CEP85L: variants seen among roughly 807,000 people sequenced by gnomAD.
CEP85L encodes centrosomal protein 85L, also known as centrosomal protein of 85 kDa-like.
Under a neutral mutation model 100.3 loss-of-function variants are expected in CEP85L, and 60 were observed. That is an observed-to-expected ratio of 0.60 (90% CI 0.49 to 0.74). The LOEUF is 0.74. Among genes scored for constraint, CEP85L ranks in the 30% least tolerant of loss-of-function variants. CEP85L has a pLI of 0.00. For synonymous variants in CEP85L, 319 were observed against 322.7 expected, an observed-to-expected ratio of 0.99 and a Z score of 0.12; for missense variants, 973 against 936.2, an observed-to-expected ratio of 1.04 and a Z score of -0.51.
At chr6:118,604,240 A>C (rs1772021434) in intron 2 of CEP85L, among the ~76,000 whole-genome samples, 1 of 152,250 alleles carries the variant, frequency 6.6e-6, no homozygotes, top group African/African-American at 2.4e-5. Context: ...TAAGATTCTT[A>C]TAACCCTTTA....
chr6:118,656,486 T>C (rs1775792990), upstream of CEP85L, among the ~76,000 whole-genome samples: 1 of 152,154 alleles, frequency 6.6e-6, no homozygotes, highest in Non-Finnish European at 1.5e-5. Context: ...AGTGGAGGAA[T>C]TGATCTGTGA....
intron 1 of CEP85L, among the ~76,000 whole-genome samples, chr6:118,702,727 C>A (rs1419386519): frequency 6.6e-6 from 1 of 151,548 alleles, no homozygotes; most frequent in East Asian, 2.0e-4. Context: ...CCAGGCACGG[C>A]GGCTCACGCC....
At chr6:118,631,761 A>T (rs571293795) in intron 2 of CEP85L, among the ~76,000 whole-genome samples, 5 of 152,210 alleles carry the variant, frequency 3.3e-5, no homozygotes, top group African/African-American at 1.2e-4. Context: ...AAAACTATAG[A>T]AATGGAGAGT....
chr6:118,496,583 G>A (rs930435698), intron 5 of CEP85L, among the ~76,000 whole-genome samples: 11 of 152,020 alleles, frequency 7.2e-5, no homozygotes, highest in African/African-American at 2.7e-4. Context: ...TCGAACTCCT[G>A]ACCTCGTGAT....
intron 5 of CEP85L, among the ~76,000 whole-genome samples, chr6:118,503,982 A>G (rs548152982): frequency 1.1e-4 from 16 of 152,302 alleles, no homozygotes; most frequent in African/African-American, 3.8e-4. Flanking sequence ...AAACAATGGC[A>G]GGAGAATGAG....
intron 1 of CEP85L, among the ~76,000 whole-genome samples, chr6:118,708,749 G>C (rs945229368): frequency 4.6e-5 from 7 of 152,078 alleles, no homozygotes; most frequent in Non-Finnish European, 8.8e-5. Context: ...ATTTTTCCTT[G>C]AATAGACTTT....
At chr6:118,599,668 A>G (rs762135285) in intron 2 of CEP85L, among the ~76,000 whole-genome samples, 1 of 152,218 alleles carries the variant, frequency 6.6e-6, no homozygotes, top group Non-Finnish European at 1.5e-5. Flanking sequence ...CCTGGCAAAC[A>G]TATCTTAAAC....
upstream of CEP85L, chr6:118,651,681 C>T: frequency 1.2e-6 from 1 of 823,906 alleles, no homozygotes; most frequent in Non-Finnish European, 1.4e-6. Context: ...CGCGGCGCCG[C>T]GCGGGGCGGG....
At position 118,461,238 on chromosome 6, in the gene CEP85L, T is replaced by C. The variant is rs1772217133; in HGVS notation, c.*4167A>G. ...TGCGATGTTAAGTTTTATGTTTATG[T>C]ATTTAACTATTTATACATATATGTA... On this transcript the variant is annotated 3_prime_UTR_variant, in exon 13 of 13. Coordinates refer to ENST00000368491, the MANE Select transcript of CEP85L (RefSeq NM_001042475.3). 1 of 152,116 alleles carries C rather than the reference T, an allele frequency of 6.6e-6. No homozygotes were observed. The highest frequency in any genetic ancestry group is 1.5e-5 in the Non-Finnish European group (1 of 67,990). The allele number at this position is 152,116 out of a possible 1,614,324, so 9.4% of individuals were successfully genotyped here.
upstream of CEP85L, among the ~76,000 whole-genome samples, chr6:118,655,444 G>T (rs1245323099): frequency 6.6e-6 from 1 of 152,166 alleles, no homozygotes; most frequent in East Asian, 1.9e-4. Flanking sequence ...AACTTATTAT[G>T]GTAACCACCT....
intron 4 of CEP85L, among the ~76,000 whole-genome samples, chr6:118,514,133 C>G (rs1776128312): frequency 6.6e-6 from 1 of 152,012 alleles, no homozygotes; most frequent in African/African-American, 2.4e-5. Context: ...AGAGGTATAG[C>G]TAACATGCCA....
intron 3 of CEP85L, among the ~76,000 whole-genome samples, chr6:118,529,477 G>A (rs1258337540): frequency 6.6e-6 from 1 of 151,784 alleles, no homozygotes; most frequent in African/African-American, 2.4e-5. Context: ...GCATGGTGGT[G>A]GGCATCTGTA....
chr6:118,626,053 G>A (rs773895697), intron 2 of CEP85L, among the ~76,000 whole-genome samples: 1 of 152,152 alleles, frequency 6.6e-6, no homozygotes, highest in Non-Finnish European at 1.5e-5. Context: ...AGCTAGAGCA[G>A]TCATCGCCCA....
At chr6:118,564,772 G>A (rs1161719948) in intron 3 of CEP85L, among the ~76,000 whole-genome samples, 1 of 152,054 alleles carries the variant, frequency 6.6e-6, no homozygotes, top group Non-Finnish European at 1.5e-5. Context: ...AAATTCTGAT[G>A]ATAAAAAACA....
intron 3 of CEP85L, among the ~76,000 whole-genome samples, chr6:118,543,597 C>T (rs1295301411): frequency 6.6e-6 from 1 of 152,090 alleles, no homozygotes; most frequent in African/African-American, 2.4e-5. Flanking sequence ...TAAGAACAAG[C>T]AAAACAGGGC....
intron 1 of CEP85L, among the ~76,000 whole-genome samples, chr6:118,662,197 G>A (rs759885634): frequency 6.6e-6 from 1 of 152,166 alleles, no homozygotes; most frequent in Non-Finnish European, 1.5e-5. Flanking sequence ...AATTTCACAT[G>A]CAGCTTCCCA....
chr6:118,553,298 A>AATTATAATG (rs1778662150), intron 3 of CEP85L, among the ~76,000 whole-genome samples: 1 of 151,876 alleles, frequency 6.6e-6, no homozygotes. Flanking sequence ...CCATGCCATA[A>AATTATAATG]ATTATAATGT....
chr6:118,516,529 G>T (rs1776289798), intron 4 of CEP85L, among the ~76,000 whole-genome samples: 1 of 152,034 alleles, frequency 6.6e-6, no homozygotes. Context: ...TTTCACGTTT[G>T]TTGGCCATAT....
At chr6:118,589,358 C>T (rs527799498) in intron 2 of CEP85L, 4 of 244,414 alleles carry the variant, frequency 1.6e-5, no homozygotes, top group Admixed American at 1.2e-4. Flanking sequence ...GGATGAATAT[C>T]CTCAGATGGC....
Sources: allele counts gnomAD v4.1 joint callset (sites outside exome capture counted in the v4.1 genomes callset), GRCh38; gene constraint gnomAD v4.1.1; transcripts MANE v1.5; gene names NCBI Gene and HGNC (gene_info 2026-07-23, HGNC 2026-07-21).